BMP6: variants seen among roughly 807,000 people sequenced by gnomAD.
BMP6 encodes bone morphogenetic protein 6.
Under a neutral mutation model 54.1 loss-of-function variants are expected in BMP6, and 17 were observed. The observed-to-expected ratio is 0.31, with a 90% CI of 0.22 to 0.47. BMP6 has a LOEUF of 0.47. Ranked by LOEUF, BMP6 falls within the 20% of genes least tolerant of loss-of-function variation. The probability of loss-of-function intolerance (pLI) is 1.00; values close to 1 mark genes in which losing one functional copy is unlikely to be tolerated. For missense variants in BMP6, 720 were observed against 690.4 expected (o/e 1.04, Z -0.48); for synonymous variants, 328 against 291.2 (o/e 1.13, Z -1.28).
intron 1 of BMP6, among the ~76,000 whole-genome samples, chr6:7,782,553 A>G (rs1036303998): frequency 6.6e-6 from 1 of 152,114 alleles, no homozygotes; most frequent in African/African-American, 2.4e-5. Context: ...TCTACTAGCA[A>G]TATAAAACAG....
At chr6:7,869,105 C>T (rs1342416123) in intron 4 of BMP6, among the ~76,000 whole-genome samples, 1 of 152,216 alleles carries the variant, frequency 6.6e-6, no homozygotes, top group Non-Finnish European at 1.5e-5. Flanking sequence ...TGCTGCAGCG[C>T]CCTAGCCCCG....
intron 1 of BMP6, among the ~76,000 whole-genome samples, chr6:7,740,141 G>A (rs1045536003): frequency 2.6e-5 from 4 of 152,144 alleles, no homozygotes; most frequent in African/African-American, 9.7e-5. Context: ...TGATGGGCAG[G>A]TACCAGGCTC....
rs72469855 is a variant in BMP6, at chr6:7,800,079, G to GGTGTGT, written c.665-45023_665-45018dup. On this transcript the variant is annotated intron_variant, in intron 1 of 6. Transcript: ENST00000283147. ...TGAGTGTTATTACGATAAAGGAAGGGGTGTGTGTGTGTGTGTGTGTGTGTG... is the reference window on the plus strand; with the variant it reads ...TGAGTGTTATTACGATAAAGGAAGGGGTGTGTGTGTGTGTGTGTGTGTGTGTGTGTG... 2.1e-3 allele frequency among the ~76,000 whole-genome samples: 301 copies of GGTGTGT among 145,154 alleles called. 2 individuals carry two copies. Among genetic ancestry groups the GGTGTGT allele is most frequent in the Admixed American group, 4.2e-3 (61 of 14,514 alleles).
At chr6:7,821,167 A>C (rs568278992) in intron 1 of BMP6, among the ~76,000 whole-genome samples, 3 of 152,338 alleles carry the variant, frequency 2.0e-5, no homozygotes, top group African/African-American at 7.2e-5. Context: ...TCTTGAGCTG[A>C]ATATGACACC....
chr6:7,819,166 CCT>C (rs1170733077), intron 1 of BMP6, among the ~76,000 whole-genome samples: 9 of 152,096 alleles, frequency 5.9e-5, no homozygotes, highest in Non-Finnish European at 1.0e-4. Flanking sequence ...GCACATGTGA[CCT>C]CTAGCCTACC....
intron 1 of BMP6, among the ~76,000 whole-genome samples, chr6:7,801,415 A>G (rs941585096): frequency 2.0e-5 from 3 of 152,220 alleles, no homozygotes; most frequent in Non-Finnish European, 4.4e-5. Context: ...GCTGGATCTG[A>G]ATAAATCCTT....
intron 4 of BMP6, among the ~76,000 whole-genome samples, chr6:7,874,211 C>A (rs1034472174): frequency 6.6e-6 from 1 of 152,176 alleles, no homozygotes; most frequent in Non-Finnish European, 1.5e-5. Flanking sequence ...CATTCATGGG[C>A]AGAATCCAGG....
intron 1 of BMP6, among the ~76,000 whole-genome samples, chr6:7,819,370 C>T (rs1273822475): frequency 6.6e-6 from 1 of 152,126 alleles, no homozygotes; most frequent in Non-Finnish European, 1.5e-5. Flanking sequence ...TTGTAGGTTA[C>T]ACAAATTGCT....
At chr6:7,852,124 C>T (rs1759152188) in intron 2 of BMP6, among the ~76,000 whole-genome samples, 1 of 152,200 alleles carries the variant, frequency 6.6e-6, no homozygotes, top group Non-Finnish European at 1.5e-5. Context: ...ACTGTTATCT[C>T]CTTCCAGACT....
intron 1 of BMP6, among the ~76,000 whole-genome samples, chr6:7,836,705 G>A (rs1162494691): frequency 6.6e-6 from 1 of 152,168 alleles, no homozygotes; most frequent in Admixed American, 6.6e-5. Flanking sequence ...CTTGATATTT[G>A]TGATTCTTAT....
chr6:7,807,712 C>A (rs1004183461), intron 1 of BMP6, among the ~76,000 whole-genome samples: 1 of 152,088 alleles, frequency 6.6e-6, no homozygotes, highest in East Asian at 1.9e-4. Context: ...AGTTTGAAAA[C>A]CCTTGTTATG....
rs545779860 is a variant in BMP6, at chr6:7,813,856, C to G, written c.665-31284C>G. On this transcript the variant is annotated intron_variant, in intron 1 of 6. Coordinates refer to ENST00000283147, the MANE Select transcript of BMP6 (RefSeq NM_001718.6). Reference sequence around the variant, plus strand: ...CACCCCTACTGCCCCATCAGTCACTCCCTTTTCTGATTTCCTCTACGGAGG... The same window carrying G: ...CACCCCTACTGCCCCATCAGTCACTGCCTTTTCTGATTTCCTCTACGGAGG... Among the ~76,000 whole-genome samples, 3 of 152,258 alleles carry G rather than the reference C, an allele frequency of 2.0e-5. No individual in the cohort carries two copies. The South Asian group carries it at 6.2e-4, about 32-fold the overall frequency.
intron 1 of BMP6, among the ~76,000 whole-genome samples, chr6:7,800,082 GT>G (rs1561775707): frequency 3.4e-4 from 13 of 38,064 alleles, no homozygotes; most frequent in African/African-American, 8.1e-4. Flanking sequence ...AGGAAGGGGT[GT>G]GTGTGTGTGT....
At chr6:7,840,009 C>CTG (rs1035378085) in intron 1 of BMP6, among the ~76,000 whole-genome samples, 3 of 152,176 alleles carry the variant, frequency 2.0e-5, no homozygotes, top group African/African-American at 7.2e-5. Context: ...TGAAGTAGGG[C>CTG]TGAAGAAGGA....
chr6:7,769,786 C>T (rs886113809), intron 1 of BMP6, among the ~76,000 whole-genome samples: 7 of 152,140 alleles, frequency 4.6e-5, no homozygotes, highest in East Asian at 1.9e-4. Flanking sequence ...TGAGTCCTAC[C>T]GCATGTCTGC....
chr6:7,819,323 T>C (rs1164847493), intron 1 of BMP6, among the ~76,000 whole-genome samples: 5 of 152,198 alleles, frequency 3.3e-5, no homozygotes, highest in Non-Finnish European at 7.3e-5. Context: ...TATAATTGCA[T>C]ATATACTTCA....
chr6:7,775,541 T>C (rs1757850672), intron 1 of BMP6, among the ~76,000 whole-genome samples: 1 of 152,222 alleles, frequency 6.6e-6, no homozygotes, highest in Non-Finnish European at 1.5e-5. Context: ...GTAAGAATAA[T>C]GTTTGTAATT....
intron 4 of BMP6, among the ~76,000 whole-genome samples, chr6:7,863,155 C>T (rs746095713): frequency 2.5e-4 from 38 of 152,202 alleles, no homozygotes; most frequent in African/African-American, 6.0e-4. Flanking sequence ...CCTGCCACCA[C>T]GCCTGGCTAA....
At chr6:7,838,290 A>G (rs1254746430) in intron 1 of BMP6, among the ~76,000 whole-genome samples, 1 of 152,206 alleles carries the variant, frequency 6.6e-6, no homozygotes, top group African/African-American at 2.4e-5. Context: ...ATAGGAAGAA[A>G]CATAGTGCAT....
Sources: gnomAD v4.1 joint callset for allele counts (sites outside exome capture counted in the v4.1 genomes callset) on GRCh38, gnomAD v4.1.1 for gene constraint, MANE v1.5 for transcripts, NCBI Gene and HGNC (gene_info 2026-07-23, HGNC 2026-07-21) for gene names.